Variants in AR observed in about 807,000 individuals in gnomAD.
The protein encoded by AR is dihydrotestosterone receptor.
Under a neutral mutation model 53.9 loss-of-function variants are expected in AR, and 8 were observed. That is an observed-to-expected ratio of 0.15 (90% CI 0.09 to 0.27). AR has a LOEUF of 0.27. Ranked by LOEUF, AR falls within the 10% of genes least tolerant of loss-of-function variation. AR has a pLI of 1.00. For missense variants in AR, 639 were observed against 742.5 expected (o/e 0.86, Z 1.62); for synonymous variants, 359 against 316.4 (o/e 1.13, Z -1.43).
intron 2 of AR, among the ~76,000 whole-genome samples, chrX:67,651,642 A>G (rs1168837898): frequency 8.9e-6 from 1 of 111,755 alleles, no homozygotes. Flanking sequence ...AGCAGAGTCA[A>G]ATATGAGAGA....
intron 4 of AR, among the ~76,000 whole-genome samples, chrX:67,712,052 A>C (rs1348157345): frequency 8.9e-6 from 1 of 111,974 alleles, no homozygotes; most frequent in East Asian, 2.8e-4. Flanking sequence ...GGCTCACCCC[A>C]AAGATAATCT....
chrX:67,675,731 A>G (rs1158525223), intron 2 of AR, among the ~76,000 whole-genome samples: 1 of 111,813 alleles, frequency 8.9e-6, no homozygotes, highest in Admixed American at 9.5e-5. Flanking sequence ...TTTCCTTGGT[A>G]TGATATTAAA....
At chrX:67,614,222 G>A (rs1423628189) in intron 1 of AR, among the ~76,000 whole-genome samples, 2 of 111,164 alleles carry the variant, frequency 1.8e-5, no homozygotes, top group Non-Finnish European at 3.8e-5. Context: ...AAGGATAAAG[G>A]AAACCCAGAG....
rs747391616 is a variant in AR at position 67,703,126 on chromosome X, T to A, written c.1886-8276T>A. ...AAAGTCAGTTCCAGGTTGTATCTTTTTTCACAGGGGCCAGACACAGATGAG... is the reference window on the plus strand; with the variant it reads ...AAAGTCAGTTCCAGGTTGTATCTTTATTCACAGGGGCCAGACACAGATGAG... On this transcript the variant is annotated intron_variant, in intron 3 of 7. Coordinates refer to ENST00000374690, the MANE Select transcript of AR (RefSeq NM_000044.6). Among the ~76,000 whole-genome samples the A allele has an allele frequency of 1.1e-4, 12 of 111,997 alleles. No homozygotes were observed. In the South Asian group the frequency reaches 4.1e-3, roughly 38 times the overall value.
At chrX:67,576,436 T>C (rs1212023086) in intron 1 of AR, among the ~76,000 whole-genome samples, 1 of 110,056 alleles carries the variant, frequency 9.1e-6, no homozygotes, top group African/African-American at 3.3e-5. Flanking sequence ...AATGTGTACA[T>C]GGACAAAAAA....
chrX:67,710,289 A>G (rs780418545), intron 3 of AR, among the ~76,000 whole-genome samples: 30 of 111,659 alleles, frequency 2.7e-4, no homozygotes, highest in African/African-American at 1.3e-4. Context: ...GTATTTGTCT[A>G]TCACTTATAT....
chrX:67,544,976 C>A lies in AR; in HGVS notation c.-171C>A. On this transcript the variant is annotated 5_prime_UTR_variant, in exon 1 of 8. Transcript: ENST00000374690. ...CTTCTGCACGAGACTTTGAGGCTGT[C>A]AGAGCGCTTTTTGCGTGGTTGCTCC... 1 of 673,135 alleles carries A rather than the reference C, an allele frequency of 1.5e-6. No homozygotes were observed. Among genetic ancestry groups the A allele is most frequent in the South Asian group, 3.3e-5 (1 of 30,643 alleles). The allele number at this position is 673,135 out of a possible 1,213,427, so 55.5% of individuals were successfully genotyped here.
chrX:67,669,894 T>A (rs1162702398), intron 2 of AR, among the ~76,000 whole-genome samples: 1 of 109,676 alleles, frequency 9.1e-6, no homozygotes, highest in East Asian at 2.9e-4. Flanking sequence ...GCATGAAATA[T>A]CTTTTTCATT....
intron 1 of AR, among the ~76,000 whole-genome samples, chrX:67,562,715 C>G (rs1428171094): frequency 9.0e-6 from 1 of 111,130 alleles, no homozygotes; most frequent in East Asian, 2.9e-4. Context: ...ATAGGAGGAG[C>G]TAAAGAAATG....
intron 1 of AR, among the ~76,000 whole-genome samples, chrX:67,641,453 G>A (rs1004378065): frequency 2.7e-5 from 3 of 112,124 alleles, no homozygotes; most frequent in African/African-American, 9.7e-5. Flanking sequence ...TCTTCTCCAT[G>A]TTTCATTCAG....
At chrX:67,638,580 A>G (rs1006371023) in intron 1 of AR, among the ~76,000 whole-genome samples, 2 of 111,967 alleles carry the variant, frequency 1.8e-5, no homozygotes, top group Non-Finnish European at 3.8e-5. Context: ...ACCAGTGATG[A>G]TGAGCTTTTT....
At chrX:67,577,942 A>G (rs1922131987) in intron 1 of AR, among the ~76,000 whole-genome samples, 1 of 111,627 alleles carries the variant, frequency 9.0e-6, no homozygotes, top group Non-Finnish European at 1.9e-5. Context: ...TACTGGTGTT[A>G]CATATCTTAG....
chrX:67,674,736 A>G (rs1041526400), intron 2 of AR, among the ~76,000 whole-genome samples: 2 of 111,026 alleles, frequency 1.8e-5, no homozygotes, highest in African/African-American at 6.5e-5. Flanking sequence ...CGGAAATACT[A>G]TCCAAGAGCC....
intron 7 of AR, among the ~76,000 whole-genome samples, chrX:67,723,316 G>C (rs955190905): frequency 0.011 from 1,097 of 95,831 alleles, 30 homozygotes; most frequent in East Asian, 0.067. Flanking sequence ...GTCTGTCTGT[G>C]TGTGTGTGTG....
At chrX:67,573,568 G>A (rs1362990252) in intron 1 of AR, among the ~76,000 whole-genome samples, 1 of 111,451 alleles carries the variant, frequency 9.0e-6, no homozygotes, top group Non-Finnish European at 1.9e-5. Flanking sequence ...CTGGTCTCAA[G>A]CCTTCAATTA....
At chrX:67,703,812 C>A (rs1469120064) in intron 3 of AR, among the ~76,000 whole-genome samples, 1 of 110,897 alleles carries the variant, frequency 9.0e-6, no homozygotes, top group Non-Finnish European at 1.9e-5. Context: ...AACCCCACAA[C>A]AGGCCCCAGT....
At chrX:67,715,228 G>T (rs2076108416) in intron 4 of AR, among the ~76,000 whole-genome samples, 1 of 110,728 alleles carries the variant, frequency 9.0e-6, no homozygotes, top group Non-Finnish European at 1.9e-5. Flanking sequence ...GAGATCCTTG[G>T]TTGCTACATG....
intron 1 of AR, among the ~76,000 whole-genome samples, chrX:67,551,381 C>T (rs1440714204): frequency 9.0e-6 from 1 of 111,691 alleles, no homozygotes; most frequent in African/African-American, 3.3e-5. Flanking sequence ...TCTCCGACTT[C>T]CCCTATCAGC....
At chrX:67,680,579 A>G (rs892444775) in intron 2 of AR, 11 of 272,327 alleles carry the variant, frequency 4.0e-5, no homozygotes, top group Non-Finnish European at 6.3e-5. Context: ...CCATATATAT[A>G]AAGTGTGAGA....
Sources: allele counts gnomAD v4.1 joint callset (sites outside exome capture counted in the v4.1 genomes callset), GRCh38; gene constraint gnomAD v4.1.1; transcripts MANE v1.5; gene names NCBI Gene and HGNC (gene_info 2026-07-23, HGNC 2026-07-21).